COL22A1: variants seen among roughly 807,000 people sequenced by gnomAD.
The protein encoded by COL22A1 is collagen alpha-1(XXII) chain.
In COL22A1, 221 loss-of-function variants were observed where a neutral mutation model predicts 248.9. That is an observed-to-expected ratio of 0.89 (90% CI 0.80 to 0.99). The LOEUF (loss-of-function observed/expected upper bound fraction) is 0.99. Among genes scored for constraint, COL22A1 ranks in the 50% least tolerant of loss-of-function variants. The probability of loss-of-function intolerance (pLI) is 0.00; values close to 1 mark genes in which losing one functional copy is unlikely to be tolerated. For missense variants in COL22A1, 2,240 were observed against 2,179.0 expected (o/e 1.03, Z -0.56); for synonymous variants, 891 against 793.4 (o/e 1.12, Z -2.07).
intron 22 of COL22A1, among the ~76,000 whole-genome samples, chr8:138,745,986 G>T (rs927725370): frequency 6.6e-6 from 1 of 152,208 alleles, no homozygotes; most frequent in South Asian, 2.1e-4. Flanking sequence ...GACTGCTACC[G>T]CCCTCCAGCA....
At chr8:138,831,563 G>A (rs1434175859) in intron 5 of COL22A1, among the ~76,000 whole-genome samples, 1 of 152,156 alleles carries the variant, frequency 6.6e-6, no homozygotes, top group African/African-American at 2.4e-5. Flanking sequence ...GAGCATAATG[G>A]GTGAGCATGC....
intron 15 of COL22A1, among the ~76,000 whole-genome samples, chr8:138,776,632 C>T (rs549730575): frequency 3.3e-5 from 5 of 152,184 alleles, no homozygotes; most frequent in African/African-American, 9.6e-5. Flanking sequence ...TGCTTCCCCC[C>T]ACCCCATCAT....
At chr8:138,602,010 C>A (rs578176943) in intron 60 of COL22A1, 105 bp downstream of exon 60, 7 of 1,143,422 alleles carry the variant, frequency 6.1e-6, no homozygotes, top group Admixed American at 1.7e-5. Flanking sequence ...ATGATCCAGG[C>A]GGGTGTTTAC....
intron 47 of COL22A1, among the ~76,000 whole-genome samples, chr8:138,637,262 AG>A (rs1163639444): frequency 6.6e-6 from 1 of 152,180 alleles, no homozygotes; most frequent in Admixed American, 6.6e-5. Context: ...GAATAAACCC[AG>A]GGTCTGCAGG....
chr8:138,689,016 G>T (rs764612852), intron 36 of COL22A1, 46 bp from the exon 37 acceptor site: 5 of 1,510,764 alleles, frequency 3.3e-6, no homozygotes, highest in Non-Finnish European at 4.6e-6. Context: ...AAGATGACTG[G>T]TCACTCTTGG....
At chr8:138,798,455 G>A (rs1170544480) in intron 11 of COL22A1, among the ~76,000 whole-genome samples, 1 of 151,784 alleles carries the variant, frequency 6.6e-6, no homozygotes, top group African/African-American at 2.4e-5. Flanking sequence ...TTCTTAGAGG[G>A]TGCTCTAGAG....
At chr8:138,803,403 A>G (rs1817171124) in intron 10 of COL22A1, among the ~76,000 whole-genome samples, 1 of 152,166 alleles carries the variant, frequency 6.6e-6, no homozygotes, top group Admixed American at 6.5e-5. Flanking sequence ...CCATCCAAGT[A>G]CTAACCAGGC....
chr8:138,743,492 A>G (rs1362248696), intron 22 of COL22A1, among the ~76,000 whole-genome samples: 1 of 147,418 alleles, frequency 6.8e-6, no homozygotes, highest in Non-Finnish European at 1.5e-5. Context: ...GATGGTGGTG[A>G]TCGTGGTGAT....
intron 55 of COL22A1, 35 bp downstream of exon 55, chr8:138,615,966 C>T (rs772752354): frequency 6.3e-7 from 1 of 1,575,380 alleles, no homozygotes; most frequent in Non-Finnish European, 8.7e-7. Context: ...CACCCCCAGC[C>T]CCAGCCCAGC....
At chr8:138,908,517 T>C (rs1815195973) in intron 1 of COL22A1, among the ~76,000 whole-genome samples, 1 of 152,216 alleles carries the variant, frequency 6.6e-6, no homozygotes, top group South Asian at 2.1e-4. Context: ...CGTATGGCAG[T>C]CTGTAATTTT....
Position 138,684,490 on chromosome 8 carries a change from A to C in COL22A1, c.2968-21T>G, listed in dbSNP as rs576651688. 3.1e-5 allele frequency: 49 copies of C among 1,589,372 alleles called. No individual in the cohort carries two copies. In the Admixed American group the frequency reaches 6.5e-4, roughly 21 times the overall value. On this transcript the variant is annotated intron_variant, in intron 38 of 64. Coordinates refer to ENST00000303045, the MANE Select transcript of COL22A1 (RefSeq NM_152888.3). ...AGTCCCTGGAGAAATAAATAATACA[A>C]GGACAATCATGGAGCTGAGAGTGAA... is the stretch of plus-strand genomic sequence containing the variant.
intron 35 of COL22A1, among the ~76,000 whole-genome samples, chr8:138,691,998 ATG>A (rs1827018656): frequency 8.8e-6 from 1 of 113,392 alleles, no homozygotes; most frequent in African/African-American, 3.3e-5. Flanking sequence ...GTGCACGTGC[ATG>A]TGTGCATGTT....
rs892173351 is a variant in COL22A1 at position 138,910,669 on chromosome 8, T to C, written c.-73+2950A>G. On this transcript the variant is annotated intron_variant, in intron 1 of 64. Coordinates refer to ENST00000303045, the MANE Select transcript of COL22A1 (RefSeq NM_152888.3). ...AAAAAAAATCCTCAGGGAACTTTCC[T>C]ACCCTAAAACATTCCTGTGGGCCTT... 7.7e-4 allele frequency among the ~76,000 whole-genome samples: 118 copies of C among 152,314 alleles called. 1 individual carries two copies. The highest frequency in any genetic ancestry group is 2.7e-3 in the African/African-American group (114 of 41,574).
At chr8:138,822,207 A>T (rs1819198685) in intron 6 of COL22A1, among the ~76,000 whole-genome samples, 1 of 151,790 alleles carries the variant, frequency 6.6e-6, no homozygotes, top group South Asian at 2.1e-4. Flanking sequence ...GCACCACCAC[A>T]CTCACCTAAT....
At chr8:138,594,296 A>G (rs10097485) in intron 62 of COL22A1, 97 bp from the exon 63 acceptor site, 92,089 of 1,003,208 alleles carry the variant, frequency 0.092, 14,875 homozygotes, top group African/African-American at 0.63. Flanking sequence ...GGGGGCCGAT[A>G]ATAGCTGCAG....
rs1192066019 is a variant in COL22A1 at position 138,720,723 on chromosome 8, G to C, written c.2355+16C>G. ...AGAATAGCAAGCATAATGGGAAAAA[G>C]AGGCAAAGTCCATACCCGAAGGCCT... On this transcript the variant is annotated intron_variant, in intron 27 of 64. Transcript: ENST00000303045. The C allele has an allele frequency of 1.9e-6, 3 of 1,609,266 alleles. No homozygotes were observed. The highest frequency in any genetic ancestry group is 1.3e-5 in the African/African-American group (1 of 74,774).
Position 138,635,076 on chromosome 8 carries a change from A to G in COL22A1, c.3556-13T>C, listed in dbSNP as rs753593740. The G allele has an allele frequency of 6.2e-7, 1 of 1,600,578 alleles. No homozygotes were observed. The highest frequency in any genetic ancestry group is 1.7e-5 in the Admixed American group (1 of 57,166). Reference sequence around the variant, plus strand: ...CTCCAGGATGACCCTAGGAAAACACAAGATGCAATTCTTTAAAATGACTTG... The same window carrying G: ...CTCCAGGATGACCCTAGGAAAACACGAGATGCAATTCTTTAAAATGACTTG... On this transcript the variant is annotated splice_polypyrimidine_tract_variant and intron_variant, in intron 48 of 64. Coordinates refer to ENST00000303045, the MANE Select transcript of COL22A1 (RefSeq NM_152888.3).
intron 1 of COL22A1, among the ~76,000 whole-genome samples, chr8:138,901,949 G>A (rs1036348422): frequency 6.6e-6 from 1 of 152,092 alleles, no homozygotes; most frequent in Non-Finnish European, 1.5e-5. Flanking sequence ...TGGTAAGCGA[G>A]CTCCCCATGA....
chr8:138,655,887 A>G lies in COL22A1; in HGVS notation c.3333+10T>C. On this transcript the variant is annotated intron_variant, in intron 45 of 64. Coordinates refer to ENST00000303045, the MANE Select transcript of COL22A1 (RefSeq NM_152888.3). ...TTCAAAACACATGCGCATTTATTGT[A>G]TGCTTTTACCTTAGCCAAGAGATTT... 1.2e-6 allele frequency: 2 copies of G among 1,605,564 alleles called. No individual in the cohort carries two copies. The highest frequency in any genetic ancestry group is 1.7e-6 in the Non-Finnish European group (2 of 1,172,560).
Sources: gnomAD v4.1 joint callset for allele counts (sites outside exome capture counted in the v4.1 genomes callset) on GRCh38, gnomAD v4.1.1 for gene constraint, MANE v1.5 for transcripts, NCBI Gene and HGNC (gene_info 2026-07-23, HGNC 2026-07-21) for gene names.